The following FOXP2 variants were observed in gnomAD, a reference collection of about 807,000 sequenced individuals.
FOXP2 encodes forkhead box protein P2.
In FOXP2, 12 loss-of-function variants were observed where a neutral mutation model predicts 115.8. That is an observed-to-expected ratio of 0.10 (90% CI 0.07 to 0.17). The LOEUF is 0.17. Ranked by LOEUF, FOXP2 falls within the 10% of genes least tolerant of loss-of-function variation. The pLI is 1.00. For synonymous variants in FOXP2, 328 were observed against 297.7 expected (o/e 1.10, Z -1.05); for missense variants, 629 against 843.5 (o/e 0.75, Z 3.15).
intron 2 of FOXP2, among the ~76,000 whole-genome samples, chr7:114,493,828 A>G (rs1797183868): frequency 6.6e-6 from 1 of 151,628 alleles, no homozygotes; most frequent in African/African-American, 2.4e-5. Context: ...ACTTTGGGAC[A>G]ATGTGGCCTT....
At chr7:114,205,886 C>A (rs1359427289) in intron 1 of FOXP2, among the ~76,000 whole-genome samples, 4 of 152,070 alleles carry the variant, frequency 2.6e-5, no homozygotes, top group Non-Finnish European at 5.9e-5. Context: ...GTCCTTCATC[C>A]CAGAAGTGTG....
chr7:114,235,740 G>A (rs776692833), intron 1 of FOXP2, among the ~76,000 whole-genome samples: 6 of 152,002 alleles, frequency 3.9e-5, no homozygotes, highest in Non-Finnish European at 7.4e-5. Context: ...CTGATCATAG[G>A]GCCTTTTACA....
intron 2 of FOXP2, among the ~76,000 whole-genome samples, chr7:114,488,614 A>T (rs1034157031): frequency 1.3e-5 from 2 of 152,136 alleles, no homozygotes; most frequent in East Asian, 3.8e-4. Flanking sequence ...TATGTCAGTG[A>T]AAAAATGGCC....
chr7:114,093,125 T>C (rs1421942912), intron 1 of FOXP2, among the ~76,000 whole-genome samples: 2 of 152,176 alleles, frequency 1.3e-5, no homozygotes, highest in Non-Finnish European at 2.9e-5. Flanking sequence ...AAATAGATGT[T>C]ACATAAGGTC....
At chr7:114,147,222 A>G (rs1400084495) in intron 1 of FOXP2, among the ~76,000 whole-genome samples, 1 of 152,192 alleles carries the variant, frequency 6.6e-6, no homozygotes, top group African/African-American at 2.4e-5. Flanking sequence ...TAGATTATTT[A>G]TATGATAGGA....
intron 1 of FOXP2, among the ~76,000 whole-genome samples, chr7:114,240,573 G>A (rs1451393892): frequency 6.6e-6 from 1 of 151,766 alleles, no homozygotes; most frequent in Non-Finnish European, 1.5e-5. Context: ...CATGATGTGA[G>A]GGATTGCTAT....
At chr7:114,349,405 C>G (rs1791424633) in intron 2 of FOXP2, among the ~76,000 whole-genome samples, 1 of 151,862 alleles carries the variant, frequency 6.6e-6, no homozygotes, top group Non-Finnish European at 1.5e-5. Context: ...AATAATGAGC[C>G]CAAGTTCATA....
chr7:114,324,764 A>G (rs1425842168), intron 2 of FOXP2, among the ~76,000 whole-genome samples: 2 of 151,888 alleles, frequency 1.3e-5, no homozygotes, highest in Non-Finnish European at 3.0e-5. Flanking sequence ...TACGTATTAC[A>G]TTTTTAAAAA....
At chr7:114,609,071 G>A (rs1803489851) in intron 3 of FOXP2, among the ~76,000 whole-genome samples, 1 of 151,902 alleles carries the variant, frequency 6.6e-6, no homozygotes, top group Admixed American at 6.6e-5. Flanking sequence ...AAATTAGCTG[G>A]GTGTGGTGGC....
Position 114,528,573 on chromosome 7 carries a change from T to A in FOXP2, c.169-6044T>A, listed in dbSNP as rs1280943195. On this transcript the variant is annotated intron_variant, in intron 2 of 16. Coordinates refer to ENST00000350908, the MANE Select transcript of FOXP2 (RefSeq NM_014491.4). ...TCCAAATATTTTCCCAAATGCTACT[T>A]CTCCTACAGTCTTACTTTTAAGTTG... is the stretch of plus-strand genomic sequence containing the variant. 4.6e-5 allele frequency among the ~76,000 whole-genome samples: 7 copies of A among 152,030 alleles called. No individual in the cohort carries two copies. In the East Asian group the frequency reaches 7.7e-4, roughly 17 times the overall value.
chr7:114,390,788 G>A (rs975584138), intron 2 of FOXP2, among the ~76,000 whole-genome samples: 2 of 151,900 alleles, frequency 1.3e-5, no homozygotes, highest in African/African-American at 4.8e-5. Context: ...CAACTCCTGG[G>A]CTCAAGTGAT....
intron 3 of FOXP2, among the ~76,000 whole-genome samples, chr7:114,586,310 G>A (rs1045850823): frequency 6.6e-6 from 1 of 152,066 alleles, no homozygotes; most frequent in Non-Finnish European, 1.5e-5. Flanking sequence ...CTTGTCAAAT[G>A]TCTCTGATAC....
chr7:114,679,751 A>G (rs1213695816), intron 16 of FOXP2, among the ~76,000 whole-genome samples: 2 of 152,080 alleles, frequency 1.3e-5, no homozygotes, highest in East Asian at 3.9e-4. Context: ...CACCTATTAC[A>G]AAGCCTACGT....
chr7:114,438,946 T>G (rs1487187768), intron 2 of FOXP2, among the ~76,000 whole-genome samples: 1 of 152,198 alleles, frequency 6.6e-6, no homozygotes, highest in South Asian at 2.1e-4. Flanking sequence ...TAATGTGATC[T>G]GAGAAGACAT....
chr7:114,296,802 A>T (rs1796751073), intron 2 of FOXP2, among the ~76,000 whole-genome samples: 1 of 152,202 alleles, frequency 6.6e-6, no homozygotes, highest in Non-Finnish European at 1.5e-5. Context: ...AGGACAGATC[A>T]ATAAAAGAAT....
intron 2 of FOXP2, among the ~76,000 whole-genome samples, chr7:114,491,427 T>C (rs1233008465): frequency 6.6e-6 from 1 of 152,104 alleles, no homozygotes; most frequent in African/African-American, 2.4e-5. Flanking sequence ...GATGAGTAGA[T>C]TGCAAAAATT....
At chr7:114,314,471 C>A (rs1471679825) in intron 2 of FOXP2, among the ~76,000 whole-genome samples, 2 of 152,008 alleles carry the variant, frequency 1.3e-5, no homozygotes, top group Non-Finnish European at 2.9e-5. Context: ...CTCTGAATCA[C>A]CTGAACAATC....
At chr7:114,089,809 AT>A (rs1799507419) in intron 1 of FOXP2, among the ~76,000 whole-genome samples, 2 of 152,016 alleles carry the variant, frequency 1.3e-5, no homozygotes, top group African/African-American at 4.8e-5. Flanking sequence ...TACAAACAAA[AT>A]TTCAAACACA....
At chr7:114,263,856 A>G (rs892976367) in intron 1 of FOXP2, among the ~76,000 whole-genome samples, 6 of 151,802 alleles carry the variant, frequency 4.0e-5, no homozygotes, top group African/African-American at 1.4e-4. Context: ...TTGCATTCCC[A>G]TGCTTCCTCA....
Sources: gnomAD v4.1 joint callset for allele counts (sites outside exome capture counted in the v4.1 genomes callset) on GRCh38, gnomAD v4.1.1 for gene constraint, MANE v1.5 for transcripts, NCBI Gene and HGNC (gene_info 2026-07-23, HGNC 2026-07-21) for gene names.